ALK: variants seen among roughly 807,000 people sequenced by gnomAD.
ALK encodes the protein ALK receptor tyrosine kinase.
ALK carries 74 observed loss-of-function variants against 163.1 expected under a neutral mutation model. That is an observed-to-expected ratio of 0.45 (90% CI 0.38 to 0.55). The LOEUF is 0.55. Ranked by LOEUF, ALK falls within the 20% of genes least tolerant of loss-of-function variation. The pLI is 0.00. For missense variants in ALK, 2,063 were observed against 2,105.3 expected, an observed-to-expected ratio of 0.98 and a Z score of 0.39; for synonymous variants, 960 against 843.2, an observed-to-expected ratio of 1.14 and a Z score of -2.40.
chr2:29,230,455 C>CA (rs1664167343), intron 15 of ALK, among the ~76,000 whole-genome samples: 1 of 152,130 alleles, frequency 6.6e-6, no homozygotes, highest in South Asian at 2.1e-4. Flanking sequence ...AAGGCAGAAA[C>CA]AGCAGTGTGT....
chr2:29,225,793 T>A lies in ALK; in HGVS notation c.3068-228A>T, dbSNP rs114110162. Reference sequence around the variant, plus strand: ...TGGGTGAAGGGAAATTTAACAGGGATGAATATCAGTGGCGGGATGTTGGTT... The same window carrying A: ...TGGGTGAAGGGAAATTTAACAGGGAAGAATATCAGTGGCGGGATGTTGGTT... On this transcript the variant is annotated intron_variant, in intron 18 of 28. Coordinates refer to ENST00000389048, the MANE Select transcript of ALK (RefSeq NM_004304.5). Among the ~76,000 whole-genome samples the A allele has an allele frequency of 4.2e-3, 634 of 152,244 alleles. 6 individuals are homozygous for A. The highest frequency in any genetic ancestry group is 0.014 in the African/African-American group (587 of 41,540).
intron 9 of ALK, among the ~76,000 whole-genome samples, chr2:29,278,701 G>A (rs1343208405): frequency 6.6e-6 from 1 of 152,200 alleles, no homozygotes; most frequent in Non-Finnish European, 1.5e-5. Context: ...CTGCTTCCAG[G>A]TAGCAAGAAA....
intron 5 of ALK, among the ~76,000 whole-genome samples, chr2:29,365,617 T>C (rs1252470273): frequency 1.3e-5 from 2 of 152,202 alleles, no homozygotes; most frequent in Non-Finnish European, 2.9e-5. Flanking sequence ...TGCCAGGAGA[T>C]AATTTGGTGT....
chr2:29,515,149 C>T (rs1272598817), intron 4 of ALK, among the ~76,000 whole-genome samples: 1 of 152,100 alleles, frequency 6.6e-6, no homozygotes, highest in African/African-American at 2.4e-5. Context: ...AAGGGTCTTG[C>T]TACTTGTCAC....
At chr2:29,897,987 T>C (rs948273260) in intron 1 of ALK, among the ~76,000 whole-genome samples, 2 of 152,136 alleles carry the variant, frequency 1.3e-5, no homozygotes, top group African/African-American at 4.8e-5. Context: ...GGCAAAATTA[T>C]GAGCTTGAAG....
At chr2:29,615,855 C>A (rs1053455551) in intron 3 of ALK, among the ~76,000 whole-genome samples, 12 of 152,214 alleles carry the variant, frequency 7.9e-5, no homozygotes, top group Non-Finnish European at 1.6e-4. Flanking sequence ...CAAGGAATAC[C>A]TTTTGCACTT....
Position 29,470,193 on chromosome 2 carries a change from T to C in ALK, c.1154+61722A>G, listed in dbSNP as rs571560579. Reference sequence around the variant, plus strand: ...CACAGAAAATGCCCTGATTGAATAATAGGAAGAAGAAAAAAAAGACAGAAT... The same window carrying C: ...CACAGAAAATGCCCTGATTGAATAACAGGAAGAAGAAAAAAAAGACAGAAT... On this transcript the variant is annotated intron_variant, in intron 4 of 28. Coordinates refer to ENST00000389048, the MANE Select transcript of ALK (RefSeq NM_004304.5). Among the ~76,000 whole-genome samples, 4 of 151,344 alleles carry C rather than the reference T, an allele frequency of 2.6e-5. No individual in the cohort carries two copies. In the South Asian group the frequency reaches 8.4e-4, roughly 32 times the overall value.
At chr2:29,317,290 G>A (rs1472358308) in intron 8 of ALK, among the ~76,000 whole-genome samples, 11 of 152,352 alleles carry the variant, frequency 7.2e-5, no homozygotes, top group African/African-American at 2.4e-4. Context: ...TTTCTCCTGT[G>A]AGTGTCCAGA....
intron 1 of ALK, among the ~76,000 whole-genome samples, chr2:29,915,646 C>G (rs1307557760): frequency 6.6e-6 from 1 of 152,154 alleles, no homozygotes; most frequent in African/African-American, 2.4e-5. Context: ...CTTCATCTTT[C>G]AAATGGCAAT....
chr2:29,236,463 G>A (rs1369958004), intron 13 of ALK, among the ~76,000 whole-genome samples: 1 of 152,174 alleles, frequency 6.6e-6, no homozygotes, highest in Admixed American at 6.5e-5. Context: ...TATTTATTGA[G>A]TACCTACTTT....
At chr2:29,374,108 T>C (rs902273244) in intron 5 of ALK, among the ~76,000 whole-genome samples, 13 of 152,254 alleles carry the variant, frequency 8.5e-5, no homozygotes, top group African/African-American at 2.9e-4. Context: ...TACCCCAGGA[T>C]AGTTGTGCAG....
At chr2:29,233,516 A>G (rs1573141363) in intron 14 of ALK, 49 bp downstream of exon 14, 1 of 1,613,728 alleles carries the variant, frequency 6.2e-7, no homozygotes, top group East Asian at 2.2e-5. Flanking sequence ...AGGCTCTGAC[A>G]TTGCAGATGC....
At chr2:29,911,173 G>T (rs919478747) in intron 1 of ALK, among the ~76,000 whole-genome samples, 4 of 152,198 alleles carry the variant, frequency 2.6e-5, no homozygotes, top group African/African-American at 9.6e-5. Flanking sequence ...GACAGCTAAG[G>T]GGCCCAAAGC....
At chr2:29,403,358 G>A (rs1416721913) in intron 4 of ALK, among the ~76,000 whole-genome samples, 1 of 152,144 alleles carries the variant, frequency 6.6e-6, no homozygotes, top group Non-Finnish European at 1.5e-5. Flanking sequence ...AGAATATCAG[G>A]AAAGCATTGT....
At chr2:29,441,399 C>T (rs1467078609) in intron 4 of ALK, among the ~76,000 whole-genome samples, 1 of 152,170 alleles carries the variant, frequency 6.6e-6, no homozygotes, top group South Asian at 2.1e-4. Flanking sequence ...CAGGGCCCGC[C>T]CTGGCTGGGG....
In ALK at chr2:29,795,688, A is replaced by T. The variant is rs1455319180; in HGVS notation, c.668-77991T>A. Among the ~76,000 whole-genome samples the T allele has an allele frequency of 2.0e-5, 3 of 152,202 alleles. No individual in the cohort carries two copies. In the East Asian group the frequency reaches 5.8e-4, roughly 29 times the overall value. ...TGACTAAGACTTTATGTAATATTAAATGAAAATATCATCTTAAAAATTTTA... is the reference window on the plus strand; with the variant it reads ...TGACTAAGACTTTATGTAATATTAATTGAAAATATCATCTTAAAAATTTTA... On this transcript the variant is annotated intron_variant, in intron 1 of 28. Transcript: ENST00000389048.
rs113406778 is a variant in ALK, at chr2:29,194,224, T to TA, written c.4165-303dup. ...GCCAGTTTTTAAAGATTAGTGGATT[T>TA]AAAAAAAAAATTAAGATTATTATTT... On this transcript the variant is annotated intron_variant, in intron 28 of 28. Coordinates refer to ENST00000389048, the MANE Select transcript of ALK (RefSeq NM_004304.5). Among the ~76,000 whole-genome samples the TA allele has an allele frequency of 4.1e-3, 611 of 149,208 alleles. 7 individuals are homozygous for TA. Among genetic ancestry groups the TA allele is most frequent in the African/African-American group, 0.014 (558 of 40,712 alleles).
chr2:29,424,977 G>A (rs1178501120), intron 4 of ALK, among the ~76,000 whole-genome samples: 1 of 152,182 alleles, frequency 6.6e-6, no homozygotes, highest in East Asian at 1.9e-4. Flanking sequence ...CTATTCTAAA[G>A]GCATTCACTG....
chr2:29,581,258 C>T (rs953282419), intron 3 of ALK, among the ~76,000 whole-genome samples: 4 of 152,150 alleles, frequency 2.6e-5, no homozygotes, highest in Admixed American at 6.5e-5. Context: ...TGTGGTGACA[C>T]GCGCCTATAG....
Sources: allele counts gnomAD v4.1 joint callset (sites outside exome capture counted in the v4.1 genomes callset), GRCh38; gene constraint gnomAD v4.1.1; transcripts MANE v1.5; gene names NCBI Gene and HGNC (gene_info 2026-07-23, HGNC 2026-07-21).